TRAPPC9: variants seen among roughly 807,000 people sequenced by gnomAD.
TRAPPC9 encodes the protein trafficking protein particle complex subunit 9.
In TRAPPC9, 83 loss-of-function variants were observed where a neutral mutation model predicts 124.0. The ratio of observed to expected loss-of-function variants is 0.67; its 90% CI spans 0.56 to 0.80. The LOEUF (loss-of-function observed/expected upper bound fraction) is 0.80. TRAPPC9 is among the 30% of genes least tolerant of loss of function. TRAPPC9 has a pLI of 0.00. For missense variants in TRAPPC9, 1,302 were observed against 1,508.3 expected, an observed-to-expected ratio of 0.86 and a Z score of 2.27; for synonymous variants, 638 against 617.5, an observed-to-expected ratio of 1.03 and a Z score of -0.49.
chr8:140,407,427 G>C (rs11997486), intron 5 of TRAPPC9, among the ~76,000 whole-genome samples: 11 of 151,846 alleles, frequency 7.2e-5, no homozygotes, highest in African/African-American at 1.9e-4. Context: ...AATGGTGGGG[G>C]GGGGCGGGTC....
intron 18 of TRAPPC9, among the ~76,000 whole-genome samples, chr8:139,994,559 T>C (rs1012129323): frequency 1.3e-5 from 2 of 152,264 alleles, no homozygotes; most frequent in Middle Eastern, 3.4e-3. Flanking sequence ...CTGCATAAAT[T>C]TGGTTGCCAC....
At chr8:140,011,117 G>T (rs1218256076) in intron 18 of TRAPPC9, among the ~76,000 whole-genome samples, 1 of 152,048 alleles carries the variant, frequency 6.6e-6, no homozygotes, top group Non-Finnish European at 1.5e-5. Context: ...AGAAGGGAGG[G>T]TCCCCTGAGG....
chr8:139,923,586 C>G (rs1175524388), intron 19 of TRAPPC9, among the ~76,000 whole-genome samples: 2 of 150,642 alleles, frequency 1.3e-5, no homozygotes, highest in Non-Finnish European at 3.0e-5. Context: ...GCCTCCTTCT[C>G]TCCCTGTGCT....
intron 17 of TRAPPC9, among the ~76,000 whole-genome samples, chr8:140,137,403 A>T (rs2061321591): frequency 6.6e-6 from 1 of 152,212 alleles, no homozygotes; most frequent in Non-Finnish European, 1.5e-5. Flanking sequence ...AAGATCACTC[A>T]TCATAGAGAT....
At chr8:140,272,381 A>ATGGTGG (rs1563904465) in intron 15 of TRAPPC9, among the ~76,000 whole-genome samples, 1 of 110,280 alleles carries the variant, frequency 9.1e-6, no homozygotes, top group African/African-American at 3.0e-5. Context: ...GGTGGTGGTG[A>ATGGTGG]TGATGGTGAT....
chr8:139,731,338 G>A (rs1817809804), intron 22 of TRAPPC9, 110 bp from the exon 23 acceptor site: 3 of 1,309,494 alleles, frequency 2.3e-6, no homozygotes, highest in Non-Finnish European at 3.2e-6. Context: ...GGGAAGCGAG[G>A]GCCGCCCAGG....
intron 19 of TRAPPC9, among the ~76,000 whole-genome samples, chr8:139,970,541 C>T (rs1019182612): frequency 4.6e-5 from 7 of 152,156 alleles, no homozygotes; most frequent in African/African-American, 9.7e-5. Context: ...CTTCATACAG[C>T]CTGTCCCAGA....
At chr8:140,249,799 G>A (rs369495559) in intron 16 of TRAPPC9, among the ~76,000 whole-genome samples, 34 of 151,662 alleles carry the variant, frequency 2.2e-4, no homozygotes, top group Non-Finnish European at 3.7e-4. Flanking sequence ...TAGTAGAGAC[G>A]GGGTTTCACC....
chr8:140,001,148 C>G (rs938718800), intron 18 of TRAPPC9, among the ~76,000 whole-genome samples: 3 of 152,102 alleles, frequency 2.0e-5, no homozygotes, highest in Middle Eastern at 3.2e-3. Flanking sequence ...AACCAAATAC[C>G]ACATGTTCTC....
intron 17 of TRAPPC9, among the ~76,000 whole-genome samples, chr8:140,147,234 T>C (rs113857075): frequency 1.0e-3 from 158 of 152,354 alleles, no homozygotes; most frequent in African/African-American, 3.7e-3. Flanking sequence ...ATGCAGGAAA[T>C]CCAGGAAAGC....
chr8:140,443,883 AAAATTAGCCAGGCGTGGTGGCGGGCT>A (rs2071137614), intron 2 of TRAPPC9, among the ~76,000 whole-genome samples: 1 of 151,574 alleles, frequency 6.6e-6, no homozygotes. Flanking sequence ...CTAAAAACAC[AAAATTAGCCAGGCGTGGTGGCGGGCT>A]CCTGTAATCC....
intron 19 of TRAPPC9, among the ~76,000 whole-genome samples, chr8:139,947,907 T>TAGAGAGAGAGAGAG (rs59810983): frequency 3.3e-4 from 20 of 60,258 alleles, no homozygotes; most frequent in East Asian, 1.8e-3. Flanking sequence ...TATATATATA[T>TAGAGAGAGAGAGAG]AGAGAGAGAG....
intron 21 of TRAPPC9, among the ~76,000 whole-genome samples, chr8:139,863,837 AG>A (rs1422928558): frequency 6.6e-6 from 1 of 152,190 alleles, no homozygotes; most frequent in Non-Finnish European, 1.5e-5. Flanking sequence ...GGGGCACGGG[AG>A]GGGATATGGA....
chr8:139,775,548 G>A (rs1270322960), intron 21 of TRAPPC9, among the ~76,000 whole-genome samples: 1 of 152,244 alleles, frequency 6.6e-6, no homozygotes, highest in African/African-American at 2.4e-5. Context: ...CACATCTCCA[G>A]GGGAAGGGTG....
intron 21 of TRAPPC9, among the ~76,000 whole-genome samples, chr8:139,801,294 G>C (rs1396923847): frequency 6.6e-6 from 1 of 152,226 alleles, no homozygotes; most frequent in Non-Finnish European, 1.5e-5. Context: ...AAGTGACATA[G>C]TTCATGCCTC....
intron 18 of TRAPPC9, among the ~76,000 whole-genome samples, chr8:139,992,634 T>C (rs1421738802): frequency 6.7e-6 from 1 of 149,762 alleles, no homozygotes; most frequent in African/African-American, 2.5e-5. Context: ...GGAGGTTTTT[T>C]GGAAGGAATC....
chr8:139,786,586 G>A (rs754925665), intron 21 of TRAPPC9, among the ~76,000 whole-genome samples: 7 of 151,930 alleles, frequency 4.6e-5, no homozygotes, highest in Non-Finnish European at 5.9e-5. Flanking sequence ...GAAAGCACAC[G>A]TCCACACAAA....
chr8:140,357,337 C>T (rs1000932518), intron 9 of TRAPPC9, among the ~76,000 whole-genome samples: 2 of 151,962 alleles, frequency 1.3e-5, no homozygotes, highest in Admixed American at 6.6e-5. Context: ...ACACAGCAGG[C>T]GAAGGAGTGA....
intron 21 of TRAPPC9, among the ~76,000 whole-genome samples, chr8:139,777,567 C>T (rs57446990): frequency 0.022 from 3,346 of 152,262 alleles, 104 homozygotes; most frequent in African/African-American, 0.076. Context: ...AATTCTAGAT[C>T]GTGTATTCAT....
Sources: allele counts gnomAD v4.1 joint callset (sites outside exome capture counted in the v4.1 genomes callset), GRCh38; gene constraint gnomAD v4.1.1; transcripts MANE v1.5; gene names NCBI Gene and HGNC (gene_info 2026-07-23, HGNC 2026-07-21).